Variants in TRMT1L observed in about 807,000 individuals in gnomAD.
The protein encoded by TRMT1L is tRNA methyltransferase 1L, also known as tRNA (guanine(27)-N(2))-dimethyltransferase.
In TRMT1L, 28 loss-of-function variants were observed where a neutral mutation model predicts 81.6. The observed-to-expected ratio is 0.34, with a 90% CI of 0.25 to 0.47. TRMT1L has a LOEUF of 0.47. TRMT1L is among the 20% of genes least tolerant of loss of function. The probability of loss-of-function intolerance (pLI) is 1.00; values close to 1 mark genes in which losing one functional copy is unlikely to be tolerated. For missense variants in TRMT1L, 739 were observed against 877.1 expected, an observed-to-expected ratio of 0.84 and a Z score of 1.99; for synonymous variants, 301 against 303.2, an observed-to-expected ratio of 0.99 and a Z score of 0.07.
chr1:185,143,024 AC>A (rs1326039308), intron 7 of TRMT1L, among the ~76,000 whole-genome samples: 1 of 152,154 alleles, frequency 6.6e-6, no homozygotes, highest in Admixed American at 6.5e-5. Context: ...AAAAATCTTT[AC>A]CTTTTAGAGA....
Position 185,119,814 on chromosome 1 carries a change from T to C in TRMT1L, c.*205A>G, listed in dbSNP as rs1380416583. On this transcript the variant is annotated 3_prime_UTR_variant, in exon 15 of 15. Coordinates refer to ENST00000367506, the MANE Select transcript of TRMT1L (RefSeq NM_030934.5). ...CATATGAAATGTTTCCATTAAAATT[T>C]TAAGTTTGCCTTAAAACAAAAAAAA... The C allele has an allele frequency of 1.8e-5, 9 of 501,490 alleles. No individual in the cohort carries two copies. Among genetic ancestry groups the C allele is most frequent in the Non-Finnish European group, 1.7e-5 (5 of 298,036 alleles). The allele number at this position is 501,490 out of a possible 1,614,324, so 31.1% of individuals were successfully genotyped here. A position where few individuals can be genotyped will look rare whatever the true frequency, so the allele number is the denominator to read the frequency against.
chr1:185,134,078 A>G (rs2102239323), intron 10 of TRMT1L, among the ~76,000 whole-genome samples: 1 of 152,342 alleles, frequency 6.6e-6, no homozygotes, highest in East Asian at 1.9e-4. Context: ...TTATTTAGAA[A>G]TATGAATGTA....
chr1:185,148,636 G>A (rs141496106), intron 3 of TRMT1L, among the ~76,000 whole-genome samples: 1 of 152,164 alleles, frequency 6.6e-6, no homozygotes, highest in Non-Finnish European at 1.5e-5. Flanking sequence ...TTTAAGAAAA[G>A]AGAATAACTT....
rs1445747845 is a variant in TRMT1L at position 185,137,314 on chromosome 1, C to T, written c.1513+292G>A. ...ATGATTTGTAACAGCCTGGAAAAAA[C>T]GTAATCTGACTTATGTTCCTAAAAT... On this transcript the variant is annotated intron_variant, in intron 10 of 14. Transcript: ENST00000367506. The T allele has an allele frequency of 3.3e-5, 13 of 399,144 alleles. No individual in the cohort carries two copies. The East Asian group carries it at 5.0e-4, about 15-fold the overall frequency. 24.7% of individuals were successfully genotyped at this position (399,144 alleles called of 1,614,324 possible).
At chr1:185,139,613 C>T (rs768737315) in intron 8 of TRMT1L, 34 bp from the exon 9 acceptor site, 1 of 1,465,844 alleles carries the variant, frequency 6.8e-7, no homozygotes, top group Non-Finnish European at 9.3e-7. Flanking sequence ...ATTTTAAAGT[C>T]ATATTAGTAA....
chr1:185,132,624 T>G (rs1245259747), intron 10 of TRMT1L, among the ~76,000 whole-genome samples: 2 of 151,912 alleles, frequency 1.3e-5, no homozygotes, highest in Non-Finnish European at 2.9e-5. Flanking sequence ...ATACACATAT[T>G]ATCTCAAAAT....
In TRMT1L at chr1:185,145,533, G is replaced by C. The variant is rs894875184; in HGVS notation, c.561C>G (p.Ile187Met). 2 of 1,611,972 alleles carry C rather than the reference G, an allele frequency of 1.2e-6. No individual in the cohort carries two copies. ...TTCTGGTGATTGTTGCTGAACAAAT[G>C]ATACAATGATAATGGGCTCCCATTT... ...TSKMGAHYHC[I>M]ICSATITRRT... is the part of the protein sequence containing the mutation. The change falls in exon 5 of 15, where the codon ATC becomes ATG. Residue 187 changes from isoleucine to methionine, a missense_variant. By Grantham distance (10) the Ile-to-Met change is conservative. Around this residue, in one of 4 missense-constraint regions of TRMT1L, gnomAD observed 331 missense variants for 462.2 expected, o/e 0.72. Transcript: ENST00000367506.
intron 10 of TRMT1L, 149 bp from the exon 11 acceptor site, chr1:185,128,896 ATG>A (rs549099776): frequency 1.1e-5 from 7 of 664,962 alleles, no homozygotes; most frequent in South Asian, 5.4e-5. Context: ...GTATGTATAT[ATG>A]TGTGTGTGCA....
chr1:185,156,489 T>G lies in TRMT1L; in HGVS notation c.224A>C (p.Glu75Ala). 8.1e-6 allele frequency: 13 copies of G among 1,613,926 alleles called. No individual in the cohort carries two copies. The highest frequency in any genetic ancestry group is 1.0e-5 in the Non-Finnish European group (12 of 1,179,892). Residue 75 changes from glutamate (E) to alanine (A), a missense_variant, in exon 1 of 15, where the codon GAG becomes GCG. By Grantham distance (107) the Glu-to-Ala change is moderately radical. Transcript: ENST00000367506. ...CCTTCTGCACTTACTGCTTTTAGCC[T>G]CCTCAGGGGCAGAGGCTAGGGACGG... ...LSPSLASAPE[E>A]AKSKRHISIQ...
intron 3 of TRMT1L, among the ~76,000 whole-genome samples, chr1:185,147,808 A>C (rs1223449854): frequency 6.6e-6 from 1 of 152,122 alleles, no homozygotes; most frequent in Non-Finnish European, 1.5e-5. Flanking sequence ...ATTCCAATTA[A>C]AGGAATCCCA....
intron 10 of TRMT1L, 51 bp from the exon 11 acceptor site, chr1:185,128,798 A>T: frequency 1.4e-6 from 2 of 1,398,196 alleles, no homozygotes; most frequent in Non-Finnish European, 2.0e-6. Flanking sequence ...ACTAATACAA[A>T]TAGTAGTAAT....
chr1:185,144,282 T>C (rs1653127674), intron 5 of TRMT1L, among the ~76,000 whole-genome samples: 1 of 151,998 alleles, frequency 6.6e-6, no homozygotes, highest in South Asian at 2.1e-4. Flanking sequence ...GAAAGTTAAT[T>C]TACTATCTTG....
rs1340736178 is a variant in TRMT1L, at chr1:185,118,896, C to CT, written c.*1122dup. On this transcript the variant is annotated 3_prime_UTR_variant, in exon 15 of 15. Transcript: ENST00000367506. ...CACCCCCTCCACCCCCTTCCCCCCA[C>CT]TTAATGGTTATAAAAAGTTACATCC... The CT allele has an allele frequency of 6.6e-6, 1 of 151,730 alleles. No homozygotes were observed. The highest frequency in any genetic ancestry group is 1.9e-4 in the East Asian group (1 of 5,174). The allele number at this position is 151,730 out of a possible 1,614,324, so 9.4% of individuals were successfully genotyped here.
chr1:185,145,971 C>T lies in TRMT1L; in HGVS notation c.526-403G>A, dbSNP rs143479659. Among the ~76,000 whole-genome samples, 172 of 152,050 alleles carry T rather than the reference C, an allele frequency of 1.1e-3. 7 individuals are homozygous for T. The East Asian group carries it at 0.024, about 21-fold the overall frequency. ...CTCTGCTATAGCCAATTTCAAGCTA[C>T]AACTGTCATAGATTTTAAGCTATCA... On this transcript the variant is annotated intron_variant, in intron 4 of 14. Coordinates refer to ENST00000367506, the MANE Select transcript of TRMT1L (RefSeq NM_030934.5).
chr1:185,152,123 C>T (rs1279141717), intron 1 of TRMT1L, among the ~76,000 whole-genome samples, 188 bp from the exon 2 acceptor site: 1 of 152,214 alleles, frequency 6.6e-6, no homozygotes, highest in East Asian at 1.9e-4. Flanking sequence ...GGAGACCCCA[C>T]TGTATAAACT....
rs1652426217 is a variant in TRMT1L at position 185,118,884 on chromosome 1, C to G, written c.*1135G>C. The G allele has an allele frequency of 6.6e-6, 1 of 151,722 alleles. No individual in the cohort carries two copies. The highest frequency in any genetic ancestry group is 1.5e-5 in the Non-Finnish European group (1 of 67,920). The allele number at this position is 151,722 out of a possible 1,614,324, so 9.4% of individuals were successfully genotyped here. ...TATAATTATTACCACCCCCTCCACCCCCTTCCCCCCACTTAATGGTTATAA... is the reference window on the plus strand; with the variant it reads ...TATAATTATTACCACCCCCTCCACCGCCTTCCCCCCACTTAATGGTTATAA... On this transcript the variant is annotated 3_prime_UTR_variant, in exon 15 of 15. Transcript: ENST00000367506.
At position 185,145,583 on chromosome 1, in the gene TRMT1L, A is replaced by G; in HGVS notation, c.526-15T>C. On this transcript the variant is annotated splice_polypyrimidine_tract_variant and intron_variant, in intron 4 of 14. Transcript: ENST00000367506. ...TTACTGGTTATCTATCAAACAGAGT[A>G]TTTAATTTAAATAAGTTGCTAAGAC... The G allele has an allele frequency of 6.2e-7, 1 of 1,607,118 alleles. No individual in the cohort carries two copies. The highest frequency in any genetic ancestry group is 8.5e-7 in the Non-Finnish European group (1 of 1,175,584).
intron 9 of TRMT1L, among the ~76,000 whole-genome samples, chr1:185,138,602 T>C (rs770997946): frequency 1.6e-4 from 25 of 152,198 alleles, no homozygotes; most frequent in African/African-American, 5.3e-4. Flanking sequence ...AATCTGCATA[T>C]AGTAAGTGCT....
chr1:185,156,907 G>A lies in TRMT1L; in HGVS notation c.-195C>T. On this transcript the variant is annotated 5_prime_UTR_variant, in exon 1 of 15. Coordinates refer to ENST00000367506, the MANE Select transcript of TRMT1L (RefSeq NM_030934.5). The stretch of plus-strand genomic sequence containing the variant: ...GTTAGTAGAAAACAGAAAGCCAGAG[G>A]CAGCGATTCCAGATGCCCGTCCGCT... The A allele has an allele frequency of 2.7e-6, 2 of 747,132 alleles. No individual in the cohort carries two copies. Among genetic ancestry groups the A allele is most frequent in the South Asian group, 4.1e-5 (2 of 49,188 alleles). 46.3% of individuals were successfully genotyped at this position (747,132 alleles called of 1,614,324 possible).
Sources: allele counts gnomAD v4.1 joint callset (sites outside exome capture counted in the v4.1 genomes callset), GRCh38; gene constraint gnomAD v4.1.1; regional missense constraint gnomAD v4.1.1; transcripts MANE v1.5; gene names NCBI Gene and HGNC (gene_info 2026-07-23, HGNC 2026-07-21).